The following DMKN variants were observed in gnomAD, a reference collection of about 807,000 sequenced individuals.
The protein encoded by DMKN is dermokine.
DMKN carries 58 observed loss-of-function variants against 67.6 expected under a neutral mutation model. That is an observed-to-expected ratio of 0.86 (90% CI 0.69 to 1.07). The LOEUF is 1.07. DMKN is among the 50% of genes least tolerant of loss of function. The pLI is 0.00. For synonymous variants in DMKN, 240 were observed against 232.3 expected, an observed-to-expected ratio of 1.03 and a Z score of -0.30; for missense variants, 596 against 601.5, an observed-to-expected ratio of 0.99 and a Z score of 0.10.
chr19:35,505,963 C>G lies in DMKN; in HGVS notation c.1062G>C (p.Met354Ile). The G allele has an allele frequency of 6.2e-7, 1 of 1,614,170 alleles. No individual in the cohort carries two copies. Among genetic ancestry groups the G allele is most frequent in the Non-Finnish European group, 8.5e-7 (1 of 1,180,032 alleles). ...GIQNSETSPG[M>I]FNFDTFWKNF... is the part of the protein sequence containing the mutation. The stretch of plus-strand genomic sequence containing the variant: ...CCTTCCAGAAAGTGTCAAAGTTAAA[C>G]ATCCCAGGAGACGTCTCAGAGTTCT... The change falls in exon 8 of 16, where the codon ATG becomes ATC. Residue 354 changes from methionine to isoleucine, a missense_variant. Met to Ile is a conservative substitution (Grantham distance 10, BLOSUM62 1). Transcript: ENST00000339686.
chr19:35,500,355 C>T (rs771123339), intron 12 of DMKN, 178 bp downstream of exon 12: 20 of 1,550,186 alleles, frequency 1.3e-5, no homozygotes, highest in Middle Eastern at 1.7e-4. Context: ...CGTAACCCAG[C>T]GGGTCCATGG....
intron 10 of DMKN, 23 bp from the exon 11 acceptor site, chr19:35,502,206 G>A: frequency 1.2e-6 from 2 of 1,614,082 alleles, no homozygotes; most frequent in Non-Finnish European, 1.7e-6. Context: ...GGAGGGCAGA[G>A]TGGGCCGGGG....
chr19:35,505,810 G>A (rs934781146), intron 8 of DMKN, 45 bp from the exon 9 acceptor site: 2 of 1,614,000 alleles, frequency 1.2e-6, no homozygotes, highest in Non-Finnish European at 1.7e-6. Flanking sequence ...GAGTCATAAG[G>A]TAATTGGCCG....
At chr19:35,499,187 C>T (rs2145839629) in intron 13 of DMKN, 1 of 484,088 alleles carries the variant, frequency 2.1e-6, no homozygotes, top group Non-Finnish European at 3.7e-6. Context: ...TAGGGAGACA[C>T]TGACCACAGA....
Position 35,509,905 on chromosome 19 carries a change from T to C in DMKN, c.1038+6A>G, listed in dbSNP as rs764767441. 8.7e-6 allele frequency: 14 copies of C among 1,614,194 alleles called. No individual in the cohort carries two copies. The highest frequency in any genetic ancestry group is 8.3e-5 in the Admixed American group (5 of 60,038). ...CCCAGGAGACTTAAGAGACTTTGGC[T>C]CTCACCTGAATCCCAGATTCCCCGC... On this transcript the variant is annotated splice_donor_region_variant and intron_variant, in intron 7 of 15. Transcript: ENST00000339686.
chr19:35,505,995 C>T lies in DMKN; in HGVS notation c.1039-9G>A, dbSNP rs747686287. The T allele has an allele frequency of 5.0e-6, 8 of 1,614,012 alleles. No individual in the cohort carries two copies. Among genetic ancestry groups the T allele is most frequent in the East Asian group, 2.2e-5 (1 of 44,896 alleles). On this transcript the variant is annotated splice_polypyrimidine_tract_variant and intron_variant, in intron 7 of 15. Coordinates refer to ENST00000339686, the MANE Select transcript of DMKN (RefSeq NM_033317.5). ...GGAGACGTCTCAGAGTTCTATGGAA[C>T]CAAGGAGATATGGGATGAGAGAAGA...
intron 5 of DMKN, chr19:35,510,595 C>T: frequency 6.8e-7 from 1 of 1,476,230 alleles, no homozygotes; most frequent in Non-Finnish European, 9.0e-7. Flanking sequence ...AGAGCCCTCA[C>T]CTGGGAGCGG....
chr19:35,513,363 G>A lies in DMKN; in HGVS notation c.113C>T (p.Ala38Val). 1 of 1,613,362 alleles carries A rather than the reference G, an allele frequency of 6.2e-7. No individual in the cohort carries two copies. The highest frequency in any genetic ancestry group is 2.2e-5 in the East Asian group (1 of 44,878). Residue 38 changes from alanine (A) to valine (V), a missense_variant, in exon 1 of 16, where the codon GCC becomes GTC. Physicochemically the swap from Ala to Val is moderately conservative, Grantham distance 64. Transcript: ENST00000339686. Reference protein sequence around the residue: ...EESTGTNIGEALGHGLGDALS... With the variant: ...EESTGTNIGEVLGHGLGDALS... ...GGCGTCTCCCAGGCCATGTCCAAGG[G>A]CCTCCCCAATATTTGTCCCAGTGCT...
rs1568639491 is a variant in DMKN, at chr19:35,511,522, A to ACTGCTGCTGCCACTG, written c.806_807insCAGTGGCAGCAGCAG (p.Ser269_Gly270insSerGlySerSerSer). ...TGCTGCTGCCACTGCTGCTGCCACCACTGCTGCTGCCATTGTTGTTGTCAC... is the reference window on the plus strand; with the variant it reads ...TGCTGCTGCCACTGCTGCTGCCACCACTGCTGCTGCCACTGCTGCTGCTGCCATTGTTGTTGTCAC... On this transcript the variant is annotated inframe_insertion, in exon 5 of 16. Coordinates refer to ENST00000339686, the MANE Select transcript of DMKN (RefSeq NM_033317.5). The ACTGCTGCTGCCACTG allele has an allele frequency of 2.6e-6, 4 of 1,512,218 alleles. No individual in the cohort carries two copies. In the African/African-American group the frequency reaches 6.2e-5, roughly 23 times the overall value. 93.7% of individuals were successfully genotyped at this position (1,512,218 alleles called of 1,614,324 possible).
rs1240583344 is a variant in DMKN at position 35,498,737 on chromosome 19, C to T, written c.1410G>A (p.Leu470=). The T allele has an allele frequency of 6.2e-7, 1 of 1,614,156 alleles. No homozygotes were observed. The highest frequency in any genetic ancestry group is 8.5e-7 in the Non-Finnish European group (1 of 1,180,026). ...TCACCTACCAAAACTTCACCCACTGCAGCAGGCCAGGTTGCACCCGGGAAG... is the reference window on the plus strand; with the variant it reads ...TCACCTACCAAAACTTCACCCACTGTAGCAGGCCAGGTTGCACCCGGGAAG... The part of the protein sequence containing the change: ...SSASRVQPGL[L]QWVKFW Residue 470 remains leucine, a synonymous_variant, in exon 15 of 16, where the codon CTG becomes CTA. Coordinates refer to ENST00000339686, the MANE Select transcript of DMKN (RefSeq NM_033317.5).
Position 35,509,947 on chromosome 19 carries a change from C to G in DMKN, c.1002G>C (p.Gly334=). The G allele has an allele frequency of 6.2e-7, 1 of 1,614,202 alleles. No individual in the cohort carries two copies. The highest frequency in any genetic ancestry group is 8.5e-7 in the Non-Finnish European group (1 of 1,180,038). The change falls in exon 7 of 16, where the codon GGG becomes GGC. Residue 334 remains glycine, a synonymous_variant. Transcript: ENST00000339686. ...ATTCCCCGCTCCCGCGGGCTTCATT[C>G]CCTGGCTTTTCACACTGCCGGGGAG... The part of the protein sequence containing the change: ...NGHKPGCEKP[G]NEARGSGESG...
intron 7 of DMKN, 139 bp downstream of exon 7, chr19:35,509,772 T>G: frequency 2.1e-6 from 2 of 955,942 alleles, no homozygotes; most frequent in Non-Finnish European, 1.6e-6. Context: ...TAGGAGTGCA[T>G]TTGGTTTCTT....
intron 10 of DMKN, 96 bp from the exon 11 acceptor site, chr19:35,502,279 G>A (rs1476312791): frequency 1.6e-6 from 2 of 1,248,192 alleles, no homozygotes; most frequent in Admixed American, 3.5e-5. Flanking sequence ...CGGGTAGGAA[G>A]GAGCTTTTGG....
At chr19:35,498,975 G>T in intron 13 of DMKN, 78 bp from the exon 14 acceptor site, 2 of 1,606,990 alleles carry the variant, frequency 1.2e-6, no homozygotes, top group Non-Finnish European at 1.7e-6. Context: ...CTCATGAAGG[G>T]CCCAGCAGCA....
intron 8 of DMKN, 77 bp downstream of exon 8, chr19:35,505,862 G>A: frequency 6.2e-7 from 1 of 1,612,732 alleles, no homozygotes; most frequent in Non-Finnish European, 8.5e-7. Flanking sequence ...TTTAGAAAGA[G>A]GACCCCAGAC....
intron 13 of DMKN, chr19:35,499,279 C>T: frequency 3.5e-6 from 1 of 285,654 alleles, no homozygotes; most frequent in Non-Finnish European, 6.6e-6. Flanking sequence ...CTCCTCTCAC[C>T]AGCCTGTAGT....
intron 9 of DMKN, among the ~76,000 whole-genome samples, chr19:35,504,482 C>T (rs553606364): frequency 6.7e-6 from 1 of 149,184 alleles, no homozygotes; most frequent in East Asian, 2.0e-4. Context: ...GCGGCTGAGG[C>T]AGGAGAATCA....
intron 9 of DMKN, chr19:35,503,458 A>G (rs1335064568): frequency 1.3e-6 from 2 of 1,538,976 alleles, no homozygotes; most frequent in African/African-American, 1.5e-5. Flanking sequence ...CTGGGCAAAG[A>G]AACAGGTTTT....
Position 35,500,568 on chromosome 19 carries a change from A to T in DMKN, c.1252T>A (p.Ser418Thr). The part of the protein sequence containing the change: ...WKAIIEGADA[S>T]SLQKRAGRDD... ...CTGCCTGCACGTTTCTGCAGTGATG[A>T]CGCGTCCGCACCCTGAAAGGAAGAA... The change falls in exon 12 of 16, where the codon TCA becomes ACA. Residue 418 changes from serine to threonine, a missense_variant. Transcript: ENST00000339686. 6.2e-7 allele frequency: 1 copy of T among 1,609,648 alleles called. No individual in the cohort carries two copies.
Sources: allele counts gnomAD v4.1 joint callset (sites outside exome capture counted in the v4.1 genomes callset), GRCh38; gene constraint gnomAD v4.1.1; transcripts MANE v1.5; gene names NCBI Gene and HGNC (gene_info 2026-07-23, HGNC 2026-07-21).